Variants in PCDH9 observed in about 807,000 individuals in gnomAD.
PCDH9 encodes the protein protocadherin 9, also known as protocadherin-9.
A neutral mutation model predicts 70.6 loss-of-function variants in PCDH9; 24 were observed. That is an observed-to-expected ratio of 0.34 (90% CI 0.25 to 0.48). PCDH9 has a LOEUF of 0.48. PCDH9 is among the 20% of genes least tolerant of loss of function. PCDH9 has a pLI of 0.99. For missense variants in PCDH9, 1,281 were observed against 1,503.6 expected (o/e 0.85, Z 2.45); for synonymous variants, 562 against 558.5 (o/e 1.01, Z -0.09).
intron 3 of PCDH9, among the ~76,000 whole-genome samples, chr13:66,738,371 A>G (rs2079193033): frequency 6.6e-6 from 1 of 151,960 alleles, no homozygotes; most frequent in Non-Finnish European, 1.5e-5. Flanking sequence ...CCAAAAGTAG[A>G]TAAAACCACA....
intron 4 of PCDH9, among the ~76,000 whole-genome samples, chr13:66,547,877 A>G (rs1400142122): frequency 6.9e-6 from 1 of 145,340 alleles, no homozygotes; most frequent in East Asian, 2.0e-4. Flanking sequence ...ATTATATAAT[A>G]ATATGATATT....
At chr13:67,118,466 C>T (rs535047111) in intron 2 of PCDH9, among the ~76,000 whole-genome samples, 1 of 152,252 alleles carries the variant, frequency 6.6e-6, no homozygotes, top group South Asian at 2.1e-4. Context: ...CATAAGCCAA[C>T]AGTTTTATTT....
At chr13:66,748,294 A>T (rs977299500) in intron 3 of PCDH9, among the ~76,000 whole-genome samples, 3 of 152,224 alleles carry the variant, frequency 2.0e-5, no homozygotes, top group African/African-American at 7.2e-5. Context: ...AGATAACTTT[A>T]ATGAGATAAA....
intron 2 of PCDH9, chr13:67,208,716 G>A (rs2089407866): frequency 6.6e-6 from 1 of 152,166 alleles, no homozygotes; most frequent in Non-Finnish European, 1.5e-5. Context: ...GTTTGAATAT[G>A]ACAGAAAAGC....
At chr13:67,014,101 T>G (rs1818820682) in intron 2 of PCDH9, among the ~76,000 whole-genome samples, 1 of 152,096 alleles carries the variant, frequency 6.6e-6, no homozygotes, top group Non-Finnish European at 1.5e-5. Flanking sequence ...CTCTTTTGCT[T>G]TCAATAAATC....
At chr13:66,764,068 G>A (rs1441117823) in intron 3 of PCDH9, among the ~76,000 whole-genome samples, 1 of 151,916 alleles carries the variant, frequency 6.6e-6, no homozygotes, top group Non-Finnish European at 1.5e-5. Flanking sequence ...CAAAGTGCTG[G>A]TATTTCAGGT....
At chr13:66,943,891 A>G (rs560907793) in intron 2 of PCDH9, among the ~76,000 whole-genome samples, 53 of 152,226 alleles carry the variant, frequency 3.5e-4, no homozygotes, top group South Asian at 8.3e-4. Context: ...TTGGATACCA[A>G]TGAAGTGACT....
At chr13:67,084,660 C>G (rs973906815) in intron 2 of PCDH9, among the ~76,000 whole-genome samples, 1 of 151,672 alleles carries the variant, frequency 6.6e-6, no homozygotes, top group Non-Finnish European at 1.5e-5. Flanking sequence ...GTAAGAGGAC[C>G]CCAAACTGGT....
intron 4 of PCDH9, among the ~76,000 whole-genome samples, chr13:66,481,944 A>ACG (rs544986480): frequency 1.5e-5 from 1 of 65,438 alleles, no homozygotes; most frequent in East Asian, 3.4e-4. Flanking sequence ...ACATGCACGC[A>ACG]CACACACACA....
intron 4 of PCDH9, among the ~76,000 whole-genome samples, chr13:66,345,442 C>T (rs1169781976): frequency 6.6e-6 from 1 of 152,044 alleles, no homozygotes; most frequent in African/African-American, 2.4e-5. Context: ...CTGTCCCTTT[C>T]CAAAGCATGA....
chr13:66,727,452 A>G (rs1040217720), intron 3 of PCDH9, among the ~76,000 whole-genome samples: 2 of 152,154 alleles, frequency 1.3e-5, no homozygotes, highest in Non-Finnish European at 2.9e-5. Context: ...TTTCAAAAAA[A>G]TAAAATGATA....
At chr13:66,522,816 A>G (rs1459618008) in intron 4 of PCDH9, among the ~76,000 whole-genome samples, 1 of 152,092 alleles carries the variant, frequency 6.6e-6, no homozygotes, top group African/African-American at 2.4e-5. Flanking sequence ...CCTCAATTTC[A>G]GATTTCTTGC....
In PCDH9 at chr13:67,022,106, C is replaced by CT. The variant is rs71110623; in HGVS notation, c.3037-118502dup. Among the ~76,000 whole-genome samples the CT allele has an allele frequency of 8.5e-5, 3 of 35,370 alleles. 1 individual carries two copies. Among genetic ancestry groups the CT allele is most frequent in the African/African-American group, 3.9e-4 (3 of 7,762 alleles). 23.2% of individuals were successfully genotyped at this position (35,370 alleles called of 152,430 possible). Reference sequence around the variant, plus strand: ...GTCAAAGGGTGGACAAGGTGATGTTCTTTTTTTTTTTTTTTTTTTTTTTTT... The same window carrying CT: ...GTCAAAGGGTGGACAAGGTGATGTTCTTTTTTTTTTTTTTTTTTTTTTTTTT... On this transcript the variant is annotated intron_variant, in intron 2 of 4. Coordinates refer to ENST00000377865, the MANE Select transcript of PCDH9 (RefSeq NM_203487.3).
chr13:66,857,934 C>A (rs1305786045), intron 3 of PCDH9, among the ~76,000 whole-genome samples: 1 of 152,092 alleles, frequency 6.6e-6, no homozygotes, highest in Non-Finnish European at 1.5e-5. Flanking sequence ...AAAAAACACG[C>A]CCTCAATCAT....
At chr13:67,057,819 A>G (rs543542693) in intron 2 of PCDH9, among the ~76,000 whole-genome samples, 41 of 152,302 alleles carry the variant, frequency 2.7e-4, no homozygotes, top group African/African-American at 9.6e-4. Flanking sequence ...GTCAATCAAT[A>G]CACTTGACCA....
intron 4 of PCDH9, chr13:66,306,254 A>G: frequency 6.6e-6 from 1 of 152,012 alleles, no homozygotes; most frequent in East Asian, 1.9e-4. Context: ...AGTTAGCACA[A>G]CTAATATTTT....
chr13:66,313,921 G>A (rs1436239215), intron 4 of PCDH9, among the ~76,000 whole-genome samples: 1 of 152,174 alleles, frequency 6.6e-6, no homozygotes, highest in African/African-American at 2.4e-5. Flanking sequence ...ATGTCTGAAA[G>A]ATTATATTTT....
At position 67,003,657 on chromosome 13, in the gene PCDH9, A is replaced by C. The variant is rs1019603430; in HGVS notation, c.3037-100052T>G. Among the ~76,000 whole-genome samples the C allele has an allele frequency of 9.2e-5, 14 of 152,332 alleles. 1 individual carries two copies. Among genetic ancestry groups the C allele is most frequent in the South Asian group, 4.1e-4 (2 of 4,826 alleles). On this transcript the variant is annotated intron_variant, in intron 2 of 4. Transcript: ENST00000377865. Reference sequence around the variant, plus strand: ...ATGAAGATGAAAAGAGAACCAATATAGTATGAAGCAGGAATTTTATTACTT... The same window carrying C: ...ATGAAGATGAAAAGAGAACCAATATCGTATGAAGCAGGAATTTTATTACTT...
chr13:66,504,120 T>C (rs1343870352), intron 4 of PCDH9, among the ~76,000 whole-genome samples: 1 of 152,232 alleles, frequency 6.6e-6, no homozygotes, highest in African/African-American at 2.4e-5. Context: ...TTGTACTCAC[T>C]GGCTCCGTTT....
Sources: gnomAD v4.1 joint callset for allele counts (sites outside exome capture counted in the v4.1 genomes callset) on GRCh38, gnomAD v4.1.1 for gene constraint, MANE v1.5 for transcripts, NCBI Gene and HGNC (gene_info 2026-07-23, HGNC 2026-07-21) for gene names.